MSR1: variants seen among roughly 807,000 people sequenced by gnomAD.
MSR1 encodes the protein macrophage scavenger receptor 1, also known as macrophage scavenger receptor types I and II.
MSR1 carries 53 observed loss-of-function variants against 47.2 expected under a neutral mutation model. That is an observed-to-expected ratio of 1.12 (90% CI 0.90 to 1.41). The LOEUF is 1.41. MSR1 is among the 40% of genes most tolerant of loss of function. MSR1 has a pLI of 0.00. For missense variants in MSR1, 786 were observed against 546.9 expected, an observed-to-expected ratio of 1.44 and a Z score of -4.36; for synonymous variants, 239 against 185.6, an observed-to-expected ratio of 1.29 and a Z score of -2.34.
chr8:16,118,047 C>T (rs982269118), intron 9 of MSR1, among the ~76,000 whole-genome samples: 3 of 152,132 alleles, frequency 2.0e-5, no homozygotes, highest in Admixed American at 1.3e-4. Context: ...ATGCTAAATA[C>T]AGACTTGTCA....
chr8:16,137,689 T>C (rs1800425852), intron 8 of MSR1, among the ~76,000 whole-genome samples: 1 of 152,128 alleles, frequency 6.6e-6, no homozygotes, highest in African/African-American at 2.4e-5. Flanking sequence ...GATTAATGTA[T>C]AATGCACCAA....
At chr8:16,115,446 T>C (rs1799856328) in intron 9 of MSR1, among the ~76,000 whole-genome samples, 1 of 152,108 alleles carries the variant, frequency 6.6e-6, no homozygotes, top group Non-Finnish European at 1.5e-5. Flanking sequence ...TAAATAGCTT[T>C]CCATAAAAAC....
intron 8 of MSR1, among the ~76,000 whole-genome samples, chr8:16,141,649 G>A (rs1800559698): frequency 6.6e-6 from 1 of 152,042 alleles, no homozygotes; most frequent in African/African-American, 2.4e-5. Flanking sequence ...TGCAGAGGCT[G>A]TATACAAACA....
intron 1 of MSR1, among the ~76,000 whole-genome samples, chr8:16,186,719 C>T (rs1048374223): frequency 2.0e-5 from 3 of 151,674 alleles, no homozygotes; most frequent in African/African-American, 7.3e-5. Context: ...GCAACCTTGA[C>T]CTCCTGGGTT....
intron 3 of MSR1, among the ~76,000 whole-genome samples, chr8:16,172,858 T>A (rs992376244): frequency 2.6e-5 from 4 of 152,150 alleles, no homozygotes; most frequent in African/African-American, 9.7e-5. Context: ...TATAATATTC[T>A]ATTTCACCCA....
At chr8:16,156,318 G>A (rs1042788956) in intron 5 of MSR1, among the ~76,000 whole-genome samples, 1 of 151,850 alleles carries the variant, frequency 6.6e-6, no homozygotes, top group Non-Finnish European at 1.5e-5. Context: ...TTAATCAGGT[G>A]GGAGACATAA....
intron 4 of MSR1, among the ~76,000 whole-genome samples, chr8:16,165,957 A>G (rs531913741): frequency 1.3e-5 from 2 of 152,220 alleles, no homozygotes; most frequent in South Asian, 4.1e-4. Context: ...TAAAGGTGAA[A>G]TAGTGAGCAT....
At chr8:16,162,491 T>A (rs1468409896) in intron 5 of MSR1, among the ~76,000 whole-genome samples, 1 of 151,890 alleles carries the variant, frequency 6.6e-6, no homozygotes, top group Non-Finnish European at 1.5e-5. Flanking sequence ...AAATAAATAT[T>A]TGTTGTGGGT....
intron 6 of MSR1, among the ~76,000 whole-genome samples, 166 bp from the exon 7 acceptor site, chr8:16,150,477 G>T (rs73665216): frequency 0.038 from 5,823 of 151,916 alleles, 396 homozygotes; most frequent in African/African-American, 0.13. Flanking sequence ...AAAAACAATA[G>T]AAGCGATAAA....
rs557958474 is a variant in MSR1 at position 16,189,904 on chromosome 8, A to G, written c.-5+2694T>C. Among the ~76,000 whole-genome samples the G allele has an allele frequency of 5.0e-4, 73 of 145,254 alleles. 1 individual carries two copies. Among genetic ancestry groups the G allele is most frequent in the Middle Eastern group, 3.6e-3 (1 of 280 alleles). ...CTTCACTGATATAAATAATGATGTT[A>G]TAAATATTTCCTTTTTTTTTTTTTT... is the stretch of plus-strand genomic sequence containing the variant. On this transcript the variant is annotated intron_variant, in intron 1 of 9. Transcript: ENST00000262101.
intron 1 of MSR1, among the ~76,000 whole-genome samples, chr8:16,187,606 G>C (rs887490737): frequency 6.6e-6 from 1 of 151,978 alleles, no homozygotes; most frequent in Admixed American, 6.6e-5. Context: ...AGGGATCAGA[G>C]AGTTCCTGAA....
chr8:16,112,160 G>T (rs929013869), intron 9 of MSR1, among the ~76,000 whole-genome samples: 7 of 152,170 alleles, frequency 4.6e-5, no homozygotes, highest in African/African-American at 1.7e-4. Flanking sequence ...TGTGACAAAT[G>T]TATTGTGGAA....
chr8:16,166,118 A>G (rs899078600), intron 4 of MSR1, among the ~76,000 whole-genome samples: 2 of 149,794 alleles, frequency 1.3e-5, no homozygotes, highest in Non-Finnish European at 3.0e-5. Context: ...ACGAGGAATC[A>G]TCCAGGTTTT....
At chr8:16,183,034 G>A (rs921599495) in intron 1 of MSR1, among the ~76,000 whole-genome samples, 3 of 152,086 alleles carry the variant, frequency 2.0e-5, no homozygotes, top group Non-Finnish European at 2.9e-5. Flanking sequence ...GAGGTCAATA[G>A]GTGATAGAAT....
In MSR1 at chr8:16,189,401, TA is replaced by T. The variant is rs1381159364; in HGVS notation, c.-5+3196del. 5.6e-3 allele frequency among the ~76,000 whole-genome samples: 522 copies of T among 92,464 alleles called. 2 individuals are homozygous for T. Among genetic ancestry groups the T allele is most frequent in the African/African-American group, 9.5e-3 (180 of 18,936 alleles). 60.7% of individuals were successfully genotyped at this position (92,464 alleles called of 152,430 possible). A position where few individuals can be genotyped will look rare whatever the true frequency, so the allele number is the denominator to read the frequency against. On this transcript the variant is annotated intron_variant, in intron 1 of 9. Transcript: ENST00000262101. ...TATATATAAAATCTTATTTTATATA[TA>T]TTTTATATATATTTTATATATATAA... is the stretch of plus-strand genomic sequence containing the variant.
intron 8 of MSR1, among the ~76,000 whole-genome samples, chr8:16,136,679 T>C (rs1473669232): frequency 2.0e-5 from 3 of 152,248 alleles, no homozygotes; most frequent in Admixed American, 1.3e-4. Context: ...CTCAGCTCAC[T>C]GCAACCTCTG....
At chr8:16,121,023 A>G (rs1026565718) in intron 8 of MSR1, 11 of 312,846 alleles carry the variant, frequency 3.5e-5, no homozygotes, top group African/African-American at 2.2e-4. Context: ...GAGATTTTCA[A>G]TACTATAGGA....
chr8:16,185,645 T>C (rs934439421), intron 1 of MSR1, among the ~76,000 whole-genome samples: 1 of 152,068 alleles, frequency 6.6e-6, no homozygotes, highest in Non-Finnish European at 1.5e-5. Flanking sequence ...ATCCATTCCT[T>C]CCATTCTATT....
chr8:16,168,518 CA>C lies in MSR1; in HGVS notation c.569del (p.Leu190CysfsTer5). The C allele has an allele frequency of 1.9e-6, 3 of 1,614,086 alleles. No individual in the cohort carries two copies. Among genetic ancestry groups the C allele is most frequent in the Non-Finnish European group, 2.5e-6 (3 of 1,180,000 alleles). Reference sequence around the variant, plus strand: ...CATTCAGATTTTCTATGTTGAGCTGCAAATCAAGCAATGTGGTATTCAAACT... The same window carrying C: ...CATTCAGATTTTCTATGTTGAGCTGCAATCAAGCAATGTGGTATTCAAACT... ...LISLNTTLLD[L>X]QLNIENLNGK... On this transcript the variant is annotated frameshift_variant, in exon 4 of 10. Transcript: ENST00000262101. LOFTEE classifies it high-confidence loss of function.
Sources: gnomAD v4.1 joint callset for allele counts (sites outside exome capture counted in the v4.1 genomes callset) on GRCh38, gnomAD v4.1.1 for gene constraint, MANE v1.5 for transcripts, NCBI Gene and HGNC (gene_info 2026-07-23, HGNC 2026-07-21) for gene names.